Variants in CAST observed in about 807,000 individuals in gnomAD.
CAST encodes MIR583 host.
Under a neutral mutation model 119.6 loss-of-function variants are expected in CAST, and 76 were observed. The observed-to-expected ratio is 0.64, with a 90% CI of 0.53 to 0.77. CAST has a LOEUF of 0.77. Among genes scored for constraint, CAST ranks in the 30% least tolerant of loss-of-function variants. The probability of loss-of-function intolerance (pLI) is 0.00; values close to 1 mark genes in which losing one functional copy is unlikely to be tolerated. For missense variants in CAST, 953 were observed against 946.5 expected (o/e 1.01, Z -0.09); for synonymous variants, 319 against 331.6 (o/e 0.96, Z 0.41).
At chr5:96,644,613 T>C (rs770152598) in intron 1 of CAST, among the ~76,000 whole-genome samples, 6 of 152,212 alleles carry the variant, frequency 3.9e-5, no homozygotes, top group Non-Finnish European at 8.8e-5. Flanking sequence ...TTTCCCCTGA[T>C]GTTATCATCT....
chr5:96,166,313 A>C, the CAST span, among the ~76,000 whole-genome samples: 1 of 152,238 alleles, frequency 6.6e-6, no homozygotes, highest in Non-Finnish European at 1.5e-5. Flanking sequence ...ATATAGTTGC[A>C]AGTTTATCTA....
intron 2 of CAST, among the ~76,000 whole-genome samples, chr5:96,682,252 C>A (rs26482): frequency 6.6e-6 from 1 of 152,006 alleles, no homozygotes; most frequent in Non-Finnish European, 1.5e-5. Context: ...TTTTCTTTTG[C>A]TGACATTTAC....
At chr5:96,371,673 A>G in the CAST span, among the ~76,000 whole-genome samples, 1 of 152,222 alleles carries the variant, frequency 6.6e-6, no homozygotes, top group Admixed American at 6.5e-5. Flanking sequence ...CTATCATACC[A>G]TCTGGCACAT....
chr5:96,756,905 G>T (rs969120244), intron 22 of CAST, among the ~76,000 whole-genome samples: 1 of 152,236 alleles, frequency 6.6e-6, no homozygotes, highest in Admixed American at 6.5e-5. Context: ...ATAAGTTGCA[G>T]AGCGTTTCAC....
chr5:96,244,433 T>C, the CAST span, among the ~76,000 whole-genome samples: 3 of 152,212 alleles, frequency 2.0e-5, no homozygotes, highest in Non-Finnish European at 4.4e-5. Flanking sequence ...ATAGTAGAAT[T>C]ATCCGACACA....
the CAST span, among the ~76,000 whole-genome samples, chr5:96,008,409 T>A: frequency 6.6e-6 from 1 of 152,242 alleles, no homozygotes; most frequent in Non-Finnish European, 1.5e-5. Context: ...CATTTGGTCA[T>A]ACATATCTTT....
the CAST span, among the ~76,000 whole-genome samples, chr5:96,343,222 G>T: frequency 6.6e-6 from 1 of 151,908 alleles, no homozygotes; most frequent in Non-Finnish European, 1.5e-5. Flanking sequence ...GGGTACACAA[G>T]ATAAAAATTT....
intron 1 of CAST, among the ~76,000 whole-genome samples, chr5:96,599,673 G>T (rs923663814): frequency 6.6e-6 from 1 of 152,066 alleles, no homozygotes; most frequent in Non-Finnish European, 1.5e-5. Flanking sequence ...AAAAATGTTT[G>T]CAGAGACTGG....
the CAST span, among the ~76,000 whole-genome samples, chr5:96,477,065 A>AACACACAC: frequency 7.6e-3 from 1,033 of 136,696 alleles, 6 homozygotes; most frequent in African/African-American, 0.013. Flanking sequence ...AATGTGCCAA[A>AACACACAC]ACACACACAC....
At chr5:96,317,075 G>A in the CAST span, among the ~76,000 whole-genome samples, 32 of 152,198 alleles carry the variant, frequency 2.1e-4, 1 homozygote, top group East Asian at 5.8e-3. Context: ...AACATACACC[G>A]AAGGAGATAC....
the CAST span, chr5:95,961,712 C>G: frequency 1.2e-6 from 2 of 1,605,482 alleles, no homozygotes; most frequent in Non-Finnish European, 1.7e-6. Context: ...CCTGTCCCCC[C>G]CGCCGCCATC....
chr5:96,231,581 CTG>C, the CAST span, among the ~76,000 whole-genome samples: 4 of 152,068 alleles, frequency 2.6e-5, no homozygotes, highest in Non-Finnish European at 4.4e-5. Context: ...TTGCACAACT[CTG>C]TAAATATTCT....
the CAST span, chr5:96,432,877 C>T: frequency 1.2e-6 from 2 of 1,613,778 alleles, no homozygotes; most frequent in Non-Finnish European, 1.7e-6. Flanking sequence ...CCCAAAAGGT[C>T]ATAGCCCAGC....
the CAST span, among the ~76,000 whole-genome samples, chr5:96,366,456 C>T: frequency 4.0e-3 from 614 of 152,334 alleles, 7 homozygotes; most frequent in African/African-American, 0.014. Context: ...CCATCACTTT[C>T]AGGTACACCA....
the CAST span, among the ~76,000 whole-genome samples, chr5:96,370,663 G>A: frequency 6.6e-6 from 1 of 152,104 alleles, no homozygotes; most frequent in African/African-American, 2.4e-5. Context: ...TCATATTCAC[G>A]GTAGGGATAG....
the CAST span, among the ~76,000 whole-genome samples, chr5:96,150,783 CTA>C: frequency 6.6e-6 from 1 of 152,162 alleles, no homozygotes; most frequent in Non-Finnish European, 1.5e-5. Flanking sequence ...ACCCGAAAGA[CTA>C]TTGCCTGGCA....
intron 23 of CAST, 26 bp downstream of exon 23, chr5:96,757,520 A>G (rs767077762): frequency 8.1e-6 from 13 of 1,612,918 alleles, no homozygotes; most frequent in African/African-American, 1.3e-5. Context: ...TTCTCTGAGG[A>G]TATCTTTTCC....
At chr5:96,055,645 A>AT in the CAST span, among the ~76,000 whole-genome samples, 2 of 152,052 alleles carry the variant, frequency 1.3e-5, no homozygotes, top group South Asian at 4.1e-4. Context: ...CAAAAACCAT[A>AT]TTTTTTTCCT....
At chr5:96,385,682 T>G in the CAST span, among the ~76,000 whole-genome samples, 1 of 152,194 alleles carries the variant, frequency 6.6e-6, no homozygotes, top group African/African-American at 2.4e-5. Flanking sequence ...TGCAGTAGAT[T>G]CCTATGGTTC....
Sources: gnomAD v4.1 joint callset for allele counts (sites outside exome capture counted in the v4.1 genomes callset) on GRCh38, gnomAD v4.1.1 for gene constraint, MANE v1.5 for transcripts, NCBI Gene and HGNC (gene_info 2026-07-23, HGNC 2026-07-21) for gene names.